Variants in REEP6 observed in about 807,000 individuals in gnomAD.
REEP6 encodes the protein receptor expression-enhancing protein 6.
Under a neutral mutation model 22.4 loss-of-function variants are expected in REEP6, and 19 were observed. The observed-to-expected ratio is 0.85, with a 90% CI of 0.59 to 1.25. REEP6 has a LOEUF of 1.25. REEP6 is among the 50% of genes most tolerant of loss of function. The pLI, the probability that REEP6 is intolerant of heterozygous loss-of-function variation, is 0.00. For missense variants in REEP6, 273 were observed against 251.9 expected (o/e 1.08, Z -0.57); for synonymous variants, 121 against 113.6 (o/e 1.06, Z -0.41).
chr19:1,496,138 T>G, intron 3 of REEP6, 147 bp from the exon 4 acceptor site: 3 of 938,302 alleles, frequency 3.2e-6, no homozygotes, highest in Non-Finnish European at 4.6e-6. Flanking sequence ...GGACGTCTGA[T>G]GGTGGCGGGC....
chr19:1,493,460 C>T (rs2084982386), intron 1 of REEP6, among the ~76,000 whole-genome samples: 1 of 152,122 alleles, frequency 6.6e-6, no homozygotes, highest in Non-Finnish European at 1.5e-5. Context: ...GGCCTCTGCC[C>T]TTTGGTCCAG....
rs1260425568 is a variant in REEP6, at chr19:1,497,497, G to A, written c.*286G>A. On this transcript the variant is annotated 3_prime_UTR_variant, in exon 5 of 5. Transcript: ENST00000233596. This position sits in a 1 kb window ranked among gnomAD's most constrained non-coding sequence, Gnocchi z 6.5. ...CAGGGCCAGCGTCGGGCACAGGGCA[G>A]CTCCCACTGGTCTCGGCAACACACC... is the stretch of plus-strand genomic sequence containing the variant. The A allele has an allele frequency of 5.9e-6, 4 of 679,026 alleles. No individual in the cohort carries two copies. Among genetic ancestry groups the A allele is most frequent in the African/African-American group, 1.8e-5 (1 of 56,514 alleles). The allele number at this position is 679,026 out of a possible 1,614,324, so 42.1% of individuals were successfully genotyped here.
chr19:1,491,622 G>A lies in REEP6; in HGVS notation c.115+238G>A, dbSNP rs535888111. On this transcript the variant is annotated intron_variant, in intron 1 of 4. Coordinates refer to ENST00000233596, the MANE Select transcript of REEP6 (RefSeq NM_138393.4). The surrounding 1 kb of genome is among the most constrained non-coding windows in gnomAD (Gnocchi z 5.4). ...GCCGCCCCCCGACGCCTCCTTCCGG[G>A]CGCTGGGTGCCTGCCATGCCGAAGT... Among the ~76,000 whole-genome samples, 14 of 152,354 alleles carry A rather than the reference G, an allele frequency of 9.2e-5. No individual in the cohort carries two copies. Among genetic ancestry groups the A allele is most frequent in the Middle Eastern group, 3.4e-3 (1 of 294 alleles).
chr19:1,493,708 GACACACACAC>G (rs55971424), intron 1 of REEP6, among the ~76,000 whole-genome samples: 1 of 140,666 alleles, frequency 7.1e-6, no homozygotes. Flanking sequence ...GGCTGAGCTG[GACACACACAC>G]ACACACACAC....
chr19:1,495,764 T>TGATGGTGGAGGGCCC lies in REEP6; in HGVS notation c.348+158_348+172dup, dbSNP rs762530538. 2.0e-5 allele frequency: 21 copies of TGATGGTGGAGGGCCC among 1,033,546 alleles called. No individual in the cohort carries two copies. The African/African-American group carries it at 2.6e-4, about 13-fold the overall frequency. 64.0% of individuals were successfully genotyped at this position (1,033,546 alleles called of 1,614,324 possible). ...GGGGAAACGAGCCCTGTCCGGGGGCTGATGGTGGAGGGCCCACCCTGAAGG... is the reference window on the plus strand; with the variant it reads ...GGGGAAACGAGCCCTGTCCGGGGGCTGATGGTGGAGGGCCCGATGGTGGAGGGCCCACCCTGAAGG... On this transcript the variant is annotated intron_variant, in intron 3 of 4. Coordinates refer to ENST00000233596, the MANE Select transcript of REEP6 (RefSeq NM_138393.4).
In REEP6 at chr19:1,497,595, G is replaced by A. The variant is rs982274305; in HGVS notation, c.*384G>A. 1 of 531,478 alleles carries A rather than the reference G, an allele frequency of 1.9e-6. No individual in the cohort carries two copies. Among genetic ancestry groups the A allele is most frequent in the Non-Finnish European group, 3.8e-6 (1 of 266,446 alleles). 32.9% of individuals were successfully genotyped at this position (531,478 alleles called of 1,614,324 possible). On this transcript the variant is annotated 3_prime_UTR_variant, in exon 5 of 5. Transcript: ENST00000233596. This position sits in a 1 kb window ranked among gnomAD's most constrained non-coding sequence, Gnocchi z 6.5. ...CTCGGGGCCCCTGCAGCCACCCAAC[G>A]TCACCTCCAGCCCGGTCTCACCCAT...
At position 1,497,662 on chromosome 19, in the gene REEP6, C is replaced by G; in HGVS notation, c.*451C>G. ...AGCAGCAACATCCCCACGCAGCCCCCCAGCAAGTCCTCTGGCAAGCCGGAG... is the reference window on the plus strand; with the variant it reads ...AGCAGCAACATCCCCACGCAGCCCCGCAGCAAGTCCTCTGGCAAGCCGGAG... On this transcript the variant is annotated 3_prime_UTR_variant, in exon 5 of 5. Transcript: ENST00000233596. The surrounding 1 kb of genome is among the most constrained non-coding windows in gnomAD (Gnocchi z 6.5). 1 of 481,296 alleles carries G rather than the reference C, an allele frequency of 2.1e-6. No homozygotes were observed. The highest frequency in any genetic ancestry group is 4.3e-6 in the Non-Finnish European group (1 of 234,292). The allele number at this position is 481,296 out of a possible 1,614,324, so 29.8% of individuals were successfully genotyped here.
intron 1 of REEP6, among the ~76,000 whole-genome samples, chr19:1,493,172 C>T (rs1007342908): frequency 2.6e-4 from 40 of 152,074 alleles, no homozygotes; most frequent in African/African-American, 9.2e-4. Context: ...ATCCTCCCGT[C>T]GCTGAAGCTG....
rs976752619 is a variant in REEP6 at position 1,491,196 on chromosome 19, G to C, written c.-74G>C. 2 of 1,072,494 alleles carry C rather than the reference G, an allele frequency of 1.9e-6. No individual in the cohort carries two copies. Among genetic ancestry groups the C allele is most frequent in the Non-Finnish European group, 2.5e-6 (2 of 788,974 alleles). The allele number at this position is 1,072,494 out of a possible 1,614,324, so 66.4% of individuals were successfully genotyped here. On this transcript the variant is annotated 5_prime_UTR_variant, in exon 1 of 5. Transcript: ENST00000233596. The surrounding 1 kb of genome is among the most constrained non-coding windows in gnomAD (Gnocchi z 5.4). Reference sequence around the variant, plus strand: ...ATCGCGGCTCAGGCTGCGGGAAAGCGGTGCGCGTGCAGCGGGGTGGGTGCC... The same window carrying C: ...ATCGCGGCTCAGGCTGCGGGAAAGCCGTGCGCGTGCAGCGGGGTGGGTGCC...
At chr19:1,494,210 G>A (rs2084987502) in intron 1 of REEP6, among the ~76,000 whole-genome samples, 1 of 152,208 alleles carries the variant, frequency 6.6e-6, no homozygotes, top group Non-Finnish European at 1.5e-5. Flanking sequence ...CTCACTCAGT[G>A]CCGGCTGGTG....
intron 1 of REEP6, among the ~76,000 whole-genome samples, chr19:1,492,674 C>T (rs2084974628): frequency 6.6e-6 from 1 of 152,124 alleles, no homozygotes; most frequent in South Asian, 2.1e-4. Context: ...CTGGGGTATT[C>T]TGGGTAGAGG....
Position 1,496,344 on chromosome 19 carries a change from T to A in REEP6, c.408T>A (p.Tyr136Ter). 6.2e-7 allele frequency: 1 copy of A among 1,612,964 alleles called. No homozygotes were observed. Among genetic ancestry groups the A allele is most frequent in the South Asian group, 1.1e-5 (1 of 91,078 alleles). ...CCTGGAACGGGGCTCTCATGCTGTA[T>A]CAGCGCGTCGTGCGTCCGCTGTTCC... ...PRPWNGALMLYQRVVRPLFLR... is the reference protein window; with the variant it reads ...PRPWNGALML Residue 136 changes from tyrosine to a stop codon, truncating the protein, a stop_gained, in exon 4 of 5, where the codon TAT becomes TAA. Coordinates refer to ENST00000233596, the MANE Select transcript of REEP6 (RefSeq NM_138393.4). LOFTEE classifies it high-confidence loss of function.
At position 1,497,264 on chromosome 19, in the gene REEP6, G is replaced by T. The variant is rs560088039; in HGVS notation, c.*53G>T. ...TCCTGGCTGGTGAGGAGGGGGCCGC[G>T]CCAGGCTCCCAGGCCTCCACAGAGT... On this transcript the variant is annotated 3_prime_UTR_variant, in exon 5 of 5. Transcript: ENST00000233596. The surrounding 1 kb of genome is among the most constrained non-coding windows in gnomAD (Gnocchi z 6.5). 3 of 1,493,966 alleles carry T rather than the reference G, an allele frequency of 2.0e-6. No individual in the cohort carries two copies. The African/African-American group carries it at 4.2e-5, about 21-fold the overall frequency. The allele number at this position is 1,493,966 out of a possible 1,614,324, so 92.5% of individuals were successfully genotyped here. A position where few individuals can be genotyped will look rare whatever the true frequency, so the allele number is the denominator to read the frequency against.
In REEP6 at chr19:1,495,185, T is replaced by C. The variant is rs1026211827; in HGVS notation, c.116-109T>C. The C allele has an allele frequency of 8.7e-6, 9 of 1,032,998 alleles. No homozygotes were observed. In the African/African-American group the frequency reaches 1.3e-4, roughly 14 times the overall value. 64.0% of individuals were successfully genotyped at this position (1,032,998 alleles called of 1,614,324 possible). A position where few individuals can be genotyped will look rare whatever the true frequency, so the allele number is the denominator to read the frequency against. On this transcript the variant is annotated intron_variant, in intron 1 of 4. Coordinates refer to ENST00000233596, the MANE Select transcript of REEP6 (RefSeq NM_138393.4). The stretch of plus-strand genomic sequence containing the variant: ...GTGGACATATCCTGGAGGCGGCTCC[T>C]GGGAGGAGGTGACGGTTGCAGTCTT...
At chr19:1,496,549 C>G in intron 4 of REEP6, 96 bp downstream of exon 4, 1 of 1,377,696 alleles carries the variant, frequency 7.3e-7, no homozygotes, top group Non-Finnish European at 1.0e-6. Context: ...TGGCCGCCCC[C>G]TCTCACTGTC....
chr19:1,492,792 T>C (rs2084976686), intron 1 of REEP6, among the ~76,000 whole-genome samples: 1 of 152,086 alleles, frequency 6.6e-6, no homozygotes, highest in African/African-American at 2.4e-5. Context: ...GCCAGAACAG[T>C]CTGAAGTCTG....
chr19:1,497,086 A>T lies in REEP6; in HGVS notation c.518-88A>T. 1.8e-6 allele frequency: 2 copies of T among 1,113,126 alleles called. No homozygotes were observed. Among genetic ancestry groups the T allele is most frequent in the Non-Finnish European group, 2.5e-6 (2 of 800,114 alleles). 69.0% of individuals were successfully genotyped at this position (1,113,126 alleles called of 1,614,324 possible). On this transcript the variant is annotated intron_variant, in intron 4 of 4. Coordinates refer to ENST00000233596, the MANE Select transcript of REEP6 (RefSeq NM_138393.4). The surrounding 1 kb of genome is among the most constrained non-coding windows in gnomAD (Gnocchi z 6.5). Reference sequence around the variant, plus strand: ...CGGCCCCTCGACTTGTCATGCTCATAGCCAGTAGCCTCAGTCCCGCCTGCG... The same window carrying T: ...CGGCCCCTCGACTTGTCATGCTCATTGCCAGTAGCCTCAGTCCCGCCTGCG...
At position 1,491,241 on chromosome 19, in the gene REEP6, G is replaced by C. The variant is rs1204599979; in HGVS notation, c.-29G>C. 7 of 1,436,284 alleles carry C rather than the reference G, an allele frequency of 4.9e-6. No individual in the cohort carries two copies. Among genetic ancestry groups the C allele is most frequent in the African/African-American group, 1.5e-5 (1 of 67,298 alleles). 89.0% of individuals were successfully genotyped at this position (1,436,284 alleles called of 1,614,324 possible). ...GGTGCCCTGGTCCGCGGGCGAGCTC[G>C]AGCAGCCAACCCCGGGCGCGTCGGG... is the stretch of plus-strand genomic sequence containing the variant. On this transcript the variant is annotated 5_prime_UTR_variant, in exon 1 of 5. Coordinates refer to ENST00000233596, the MANE Select transcript of REEP6 (RefSeq NM_138393.4). The surrounding 1 kb of genome is among the most constrained non-coding windows in gnomAD (Gnocchi z 5.4).
intron 1 of REEP6, among the ~76,000 whole-genome samples, chr19:1,492,426 C>G (rs2084968213): frequency 6.6e-6 from 1 of 152,182 alleles, no homozygotes; most frequent in East Asian, 1.9e-4. Flanking sequence ...CTTGCCTGGC[C>G]TAAAACTTTT....
Sources: gnomAD v4.1 joint callset for allele counts (sites outside exome capture counted in the v4.1 genomes callset) on GRCh38, gnomAD v4.1.1 for gene constraint, Gnocchi (gnomAD v3.1) non-coding constraint, MANE v1.5 for transcripts, NCBI Gene and HGNC (gene_info 2026-07-23, HGNC 2026-07-21) for gene names.